Variants in MARCHF1 observed in about 807,000 individuals in gnomAD.
MARCHF1 encodes the protein membrane associated ring-CH-type finger 1.
Under a neutral mutation model 54.2 loss-of-function variants are expected in MARCHF1, and 40 were observed. The observed-to-expected ratio is 0.74, with a 90% confidence interval of 0.57 to 0.96. MARCHF1 has a LOEUF of 0.96. Ranked by LOEUF, MARCHF1 falls within the 40% of genes least tolerant of loss-of-function variation. The pLI, the probability that MARCHF1 is intolerant of heterozygous loss-of-function variation, is 0.00. For missense variants in MARCHF1, 586 were observed against 656.5 expected (o/e 0.89, Z 1.17); for synonymous variants, 236 against 236.3 (o/e 1.00, Z 0.01).
intron 1 of MARCHF1, among the ~76,000 whole-genome samples, chr4:164,276,864 A>C (rs982168981): frequency 9.1e-6 from 1 of 109,890 alleles, no homozygotes; most frequent in Non-Finnish European, 2.2e-5. Context: ...CTATATGTTT[A>C]TATATTACAT....
intron 5 of MARCHF1, among the ~76,000 whole-genome samples, chr4:163,619,912 A>C (rs1344206616): frequency 1.3e-5 from 2 of 152,178 alleles, no homozygotes; most frequent in South Asian, 2.1e-4. Context: ...TGATCTAAAA[A>C]ATAAAAACTT....
At chr4:164,309,305 A>T (rs1371083150) in intron 1 of MARCHF1, among the ~76,000 whole-genome samples, 1 of 150,302 alleles carries the variant, frequency 6.7e-6, no homozygotes, top group Non-Finnish European at 1.5e-5. Flanking sequence ...TCTGTGTGTT[A>T]TTGTGGCTTT....
chr4:164,368,376 T>C (rs1730940392), intron 1 of MARCHF1, among the ~76,000 whole-genome samples: 2 of 151,856 alleles, frequency 1.3e-5, no homozygotes, highest in African/African-American at 4.8e-5. Context: ...AAGACACTTA[T>C]AATGATTATT....
chr4:163,979,020 T>C (rs1346498991), intron 3 of MARCHF1, among the ~76,000 whole-genome samples: 1 of 1,296 alleles, frequency 7.7e-4, no homozygotes, highest in South Asian at 0.12. Context: ...CCTTTAATTC[T>C]TTTTTTTTTT....
intron 1 of MARCHF1, among the ~76,000 whole-genome samples, chr4:164,381,704 G>A (rs768491845): frequency 6.6e-6 from 1 of 152,094 alleles, no homozygotes; most frequent in East Asian, 1.9e-4. Flanking sequence ...ATGTAAGCAC[G>A]TCAGAAGCTC....
chr4:163,782,799 G>C (rs761360933), intron 4 of MARCHF1, among the ~76,000 whole-genome samples: 4 of 152,112 alleles, frequency 2.6e-5, no homozygotes, highest in Non-Finnish European at 5.9e-5. Context: ...AAGTGTAGCA[G>C]TATCAGGAAG....
intron 5 of MARCHF1, among the ~76,000 whole-genome samples, chr4:163,634,307 G>C (rs935039474): frequency 6.7e-6 from 1 of 148,904 alleles, no homozygotes; most frequent in African/African-American, 2.5e-5. Flanking sequence ...CTGGCAAATT[G>C]GATAAAGAGT....
intron 1 of MARCHF1, among the ~76,000 whole-genome samples, chr4:164,145,173 A>C (rs202116512): frequency 0.14 from 20,692 of 149,970 alleles, 1,236 homozygotes; most frequent in African/African-American, 0.24. Context: ...AATTGTGGCA[A>C]TAATCAATAG....
At position 164,276,981 on chromosome 4, in the gene MARCHF1, G is replaced by A. The variant is rs1482545434; in HGVS notation, c.-323+106889C>T. On this transcript the variant is annotated intron_variant, in intron 1 of 9. Transcript: ENST00000514618. ...AGAGAGAGAGAGACAGAGAGAGAGAGAAAATATATGAGGGAGAGAAAGAAT... is the reference window on the plus strand; with the variant it reads ...AGAGAGAGAGAGACAGAGAGAGAGAAAAAATATATGAGGGAGAGAAAGAAT... Among the ~76,000 whole-genome samples the A allele has an allele frequency of 7.4e-5, 11 of 148,662 alleles. No individual in the cohort carries two copies. In the South Asian group the frequency reaches 1.5e-3, roughly 20 times the overall value.
chr4:163,769,108 T>C (rs564431582), intron 4 of MARCHF1, among the ~76,000 whole-genome samples: 14 of 152,310 alleles, frequency 9.2e-5, no homozygotes, highest in South Asian at 4.1e-4. Flanking sequence ...AATATTTTAA[T>C]GTGACTTATA....
At chr4:164,065,831 C>G (rs1275381260) in intron 2 of MARCHF1, among the ~76,000 whole-genome samples, 1 of 152,138 alleles carries the variant, frequency 6.6e-6, no homozygotes, top group African/African-American at 2.4e-5. Context: ...AGTCTGATGT[C>G]CAGGGCAGGA....
chr4:163,739,725 C>T (rs1367383398), intron 4 of MARCHF1, among the ~76,000 whole-genome samples: 1 of 152,158 alleles, frequency 6.6e-6, no homozygotes, highest in Non-Finnish European at 1.5e-5. Flanking sequence ...TTTAATCACT[C>T]AAACTTCTTT....
chr4:164,348,497 G>T (rs1730178573), intron 1 of MARCHF1, among the ~76,000 whole-genome samples: 2 of 152,220 alleles, frequency 1.3e-5, no homozygotes, highest in South Asian at 4.1e-4. Flanking sequence ...TAGCTTATTT[G>T]TAAGTAGATG....
intron 4 of MARCHF1, among the ~76,000 whole-genome samples, chr4:163,767,830 AAG>A (rs1277759558): frequency 6.7e-6 from 1 of 150,204 alleles, no homozygotes; most frequent in Non-Finnish European, 1.5e-5. Context: ...AAAATAAAAA[AAG>A]AAAATTAAAA....
chr4:164,054,021 C>T (rs1579494904), intron 2 of MARCHF1, among the ~76,000 whole-genome samples: 1 of 152,024 alleles, frequency 6.6e-6, no homozygotes, highest in African/African-American at 2.4e-5. Context: ...TCGCAACCTA[C>T]TCATCTGACA....
At chr4:163,580,198 C>T (rs1385260263) in intron 8 of MARCHF1, among the ~76,000 whole-genome samples, 1 of 152,046 alleles carries the variant, frequency 6.6e-6, no homozygotes, top group Non-Finnish European at 1.5e-5. Flanking sequence ...CCTGCCTCAG[C>T]CTCCCAAGTA....
rs1754600294 is a variant in MARCHF1, at chr4:164,060,837, C to T, written c.-248+50751G>A. On this transcript the variant is annotated intron_variant, in intron 2 of 9. Coordinates refer to ENST00000514618, the MANE Select transcript of MARCHF1 (RefSeq NM_001394959.1). ...GTTCCTCTCTGCATTTCTTCTGTAC[C>T]ATGTATTATTATTGTTTGCATTCAT... is the stretch of plus-strand genomic sequence containing the variant. Among the ~76,000 whole-genome samples the T allele has an allele frequency of 3.3e-5, 5 of 152,048 alleles. No individual in the cohort carries two copies. The South Asian group carries it at 6.2e-4, about 19-fold the overall frequency.
chr4:164,240,738 G>A (rs1732717143), intron 1 of MARCHF1, among the ~76,000 whole-genome samples: 1 of 151,980 alleles, frequency 6.6e-6, no homozygotes, highest in Non-Finnish European at 1.5e-5. Context: ...ACTGACTATG[G>A]GAAAAATTTA....
intron 8 of MARCHF1, among the ~76,000 whole-genome samples, chr4:163,573,159 C>T (rs1739897292): frequency 3.3e-5 from 5 of 152,012 alleles, no homozygotes; most frequent in Non-Finnish European, 5.9e-5. Context: ...GATTTTGTAT[C>T]CTGACACTTT....
Sources: gnomAD v4.1 joint callset for allele counts (sites outside exome capture counted in the v4.1 genomes callset) on GRCh38, gnomAD v4.1.1 for gene constraint, MANE v1.5 for transcripts, NCBI Gene and HGNC (gene_info 2026-07-23, HGNC 2026-07-21) for gene names.